LARP4B: variants seen among roughly 807,000 people sequenced by gnomAD.
LARP4B encodes La ribonucleoprotein 4B.
A neutral mutation model predicts 89.8 loss-of-function variants in LARP4B; 12 were observed. The ratio of observed to expected loss-of-function variants is 0.13; its 90% CI spans 0.09 to 0.22. The LOEUF (loss-of-function observed/expected upper bound fraction) is 0.22. LARP4B is among the 10% of genes least tolerant of loss of function. The pLI, the probability that LARP4B is intolerant of heterozygous loss-of-function variation, is 1.00. For missense variants in LARP4B, 757 were observed against 947.7 expected, an observed-to-expected ratio of 0.80 and a Z score of 2.64; for synonymous variants, 367 against 363.3, an observed-to-expected ratio of 1.01 and a Z score of -0.12.
chr10:812,921 G>A lies in LARP4B; in HGVS notation c.*5C>T, dbSNP rs372671338. On this transcript the variant is annotated 3_prime_UTR_variant, in exon 18 of 18. Transcript: ENST00000316157. ...GCTCTGCGACCCCTCCCAGACGTAC[G>A]GTTTTCACTGAGGAGACTTGGGGGG... 106 of 1,529,692 alleles carry A rather than the reference G, an allele frequency of 6.9e-5. No individual in the cohort carries two copies. The highest frequency in any genetic ancestry group is 4.3e-4 in the Admixed American group (19 of 44,162). 94.8% of individuals were successfully genotyped at this position (1,529,692 alleles called of 1,614,324 possible).
At chr10:973,323 A>G in the LARP4B span, among the ~76,000 whole-genome samples, 1 of 151,636 alleles carries the variant, frequency 6.6e-6, no homozygotes, top group Non-Finnish European at 1.5e-5. Flanking sequence ...TTCAGTTCTC[A>G]CTTAAAAATC....
chr10:962,928 C>T, the LARP4B span, among the ~76,000 whole-genome samples: 34 of 152,242 alleles, frequency 2.2e-4, no homozygotes, highest in Non-Finnish European at 4.3e-4. Context: ...ACCTGAACTC[C>T]GGACGCAGCC....
chr10:850,350 A>G (rs1833978108), intron 5 of LARP4B, among the ~76,000 whole-genome samples: 1 of 152,234 alleles, frequency 6.6e-6, no homozygotes, highest in African/African-American at 2.4e-5. Flanking sequence ...TACCATATTA[A>G]GGCTAGTCAA....
At position 864,603 on chromosome 10, in the gene LARP4B, A is replaced by T. The variant is rs1834797925; in HGVS notation, c.142-333T>A. On this transcript the variant is annotated intron_variant, in intron 3 of 17. Transcript: ENST00000316157. ...TTCCTAGACTCCTAATAAAATCACA[A>T]TTCAGGGTTTTACAAACTTGAATAC... 2.6e-5 allele frequency among the ~76,000 whole-genome samples: 4 copies of T among 152,188 alleles called. No individual in the cohort carries two copies. In the South Asian group the frequency reaches 8.3e-4, roughly 32 times the overall value.
chr10:944,107 T>C, the LARP4B span, among the ~76,000 whole-genome samples: 2 of 152,186 alleles, frequency 1.3e-5, no homozygotes, highest in Admixed American at 1.3e-4. Context: ...TTAGAATTCG[T>C]GGTAAAGTAC....
At chr10:966,019 G>A in the LARP4B span, among the ~76,000 whole-genome samples, 9 of 151,288 alleles carry the variant, frequency 5.9e-5, no homozygotes, top group Non-Finnish European at 8.8e-5. Flanking sequence ...ACGTGTAGAT[G>A]AATTGAATAC....
chr10:838,678 A>T (rs1833360595), intron 7 of LARP4B, among the ~76,000 whole-genome samples: 1 of 152,226 alleles, frequency 6.6e-6, no homozygotes. Context: ...GCAAAGTGGT[A>T]CATCCACTTT....
chr10:957,727 C>A, the LARP4B span, among the ~76,000 whole-genome samples: 1 of 151,292 alleles, frequency 6.6e-6, no homozygotes, highest in Admixed American at 6.6e-5. Context: ...TGATTTTGGC[C>A]TTTTGAATCA....
Position 840,368 on chromosome 10 carries a change from G to A in LARP4B, c.646+2564C>T, listed in dbSNP as rs78683318. Among the ~76,000 whole-genome samples the A allele has an allele frequency of 3.3e-3, 499 of 152,148 alleles. 2 individuals are homozygous for A. Among genetic ancestry groups the A allele is most frequent in the African/African-American group, 0.012 (479 of 41,496 alleles). Reference sequence around the variant, plus strand: ...CCGTTCATGCTTTCACACCATCTCCGTGCTCCTCTGAACCCACAAAAATTC... The same window carrying A: ...CCGTTCATGCTTTCACACCATCTCCATGCTCCTCTGAACCCACAAAAATTC... On this transcript the variant is annotated intron_variant, in intron 7 of 17. Transcript: ENST00000316157.
At chr10:924,906 C>T (rs1184766679) in intron 1 of LARP4B, among the ~76,000 whole-genome samples, 1 of 152,216 alleles carries the variant, frequency 6.6e-6, no homozygotes, top group Non-Finnish European at 1.5e-5. Flanking sequence ...ATGCTACCTA[C>T]CAGATATTGT....
At chr10:908,375 A>C in intron 1 of LARP4B, among the ~76,000 whole-genome samples, 1 of 152,188 alleles carries the variant, frequency 6.6e-6, no homozygotes, top group East Asian at 1.9e-4. Context: ...ATATCCTTCA[A>C]AATAAACCAG....
intron 3 of LARP4B, chr10:873,062 T>C (rs1410462050): frequency 1.0e-6 from 1 of 985,204 alleles, no homozygotes; most frequent in East Asian, 1.1e-4. Context: ...TTCTGGTTCC[T>C]TTTCCTCCAC....
the LARP4B span, among the ~76,000 whole-genome samples, chr10:951,558 C>A: frequency 6.6e-6 from 1 of 151,900 alleles, no homozygotes; most frequent in Admixed American, 6.6e-5. Flanking sequence ...AAAAAAAAGT[C>A]CACTCTGCAG....
intron 3 of LARP4B, among the ~76,000 whole-genome samples, chr10:875,439 TC>T (rs1000256172): frequency 6.6e-6 from 1 of 152,160 alleles, no homozygotes; most frequent in African/African-American, 2.4e-5. Context: ...CCCGACCTCT[TC>T]TATCTCATAC....
chr10:808,734 T>TGC (rs920602214), downstream of LARP4B: 2 of 142,412 alleles, frequency 1.4e-5, no homozygotes, highest in Admixed American at 6.9e-5. Context: ...CGTGTGTGTG[T>TGC]GTGTGTGCGT....
chr10:902,106 G>C (rs749655465), intron 1 of LARP4B, among the ~76,000 whole-genome samples: 2 of 152,160 alleles, frequency 1.3e-5, no homozygotes, highest in African/African-American at 2.4e-5. Context: ...CTTTTGAAAA[G>C]ACCATTTTAG....
At chr10:866,486 G>C (rs1159217172) in intron 3 of LARP4B, among the ~76,000 whole-genome samples, 1 of 152,352 alleles carries the variant, frequency 6.6e-6, no homozygotes, top group East Asian at 1.9e-4. Flanking sequence ...AGCTACATGA[G>C]GGGGCAGGAG....
At chr10:830,351 T>A (rs886883542) in intron 9 of LARP4B, among the ~76,000 whole-genome samples, 5 of 152,234 alleles carry the variant, frequency 3.3e-5, no homozygotes, top group Admixed American at 3.3e-4. Flanking sequence ...TTCAGGTTTC[T>A]GTGTTTTCTT....
the LARP4B span, among the ~76,000 whole-genome samples, chr10:955,031 G>T: frequency 1.9e-5 from 1 of 53,214 alleles, no homozygotes; most frequent in East Asian, 5.5e-4. This position sits in a 1 kb window ranked among gnomAD's most constrained non-coding sequence, Gnocchi z 5.2. Flanking sequence ...TCCCATCCAC[G>T]CTTCCCCAGG....
Sources: gnomAD v4.1 joint callset for allele counts (sites outside exome capture counted in the v4.1 genomes callset) on GRCh38, gnomAD v4.1.1 for gene constraint, Gnocchi (gnomAD v3.1) non-coding constraint, MANE v1.5 for transcripts, NCBI Gene and HGNC (gene_info 2026-07-23, HGNC 2026-07-21) for gene names.